CFAP54: variants seen among roughly 807,000 people sequenced by gnomAD.
The protein encoded by CFAP54 is cilia- and flagella-associated protein 54.
CFAP54 carries 290 observed loss-of-function variants against 370.4 expected under a neutral mutation model. That is an observed-to-expected ratio of 0.78 (90% confidence interval 0.71 to 0.86). CFAP54 has a LOEUF of 0.86. Among genes scored for constraint, CFAP54 ranks in the 40% least tolerant of loss-of-function variants. CFAP54 has a pLI of 0.00. For missense variants in CFAP54, 3,399 were observed against 3,528.7 expected, an observed-to-expected ratio of 0.96 and a Z score of 0.93; for synonymous variants, 1,206 against 1,236.5, an observed-to-expected ratio of 0.98 and a Z score of 0.52.
intron 26 of CFAP54, among the ~76,000 whole-genome samples, chr12:96,606,835 A>G (rs1230905914): frequency 6.6e-6 from 1 of 152,218 alleles, no homozygotes; most frequent in African/African-American, 2.4e-5. Context: ...AAAGACCAGC[A>G]TTGTGTGGTT....
intron 66 of CFAP54, among the ~76,000 whole-genome samples, chr12:96,855,078 G>A (rs1305773264): frequency 1.3e-5 from 2 of 152,156 alleles, no homozygotes; most frequent in Non-Finnish European, 2.9e-5. Flanking sequence ...GCAGCAAGGA[G>A]AAGTGTGCAG....
Position 96,497,502 on chromosome 12 carries a change from A to G in CFAP54, c.318-3332A>G, listed in dbSNP as rs76662210. 4.3e-3 allele frequency among the ~76,000 whole-genome samples: 662 copies of G among 152,308 alleles called. 6 individuals are homozygous for G. The highest frequency in any genetic ancestry group is 0.015 in the African/African-American group (639 of 41,570). The stretch of plus-strand genomic sequence containing the variant: ...CATAAATATAGCCAACTTGTTAGGG[A>G]AACAGGAGCATAGGAGAGCCAGAGT... On this transcript the variant is annotated intron_variant, in intron 1 of 67. Coordinates refer to ENST00000524981, the MANE Select transcript of CFAP54 (RefSeq NM_001306084.2).
intron 58 of CFAP54, among the ~76,000 whole-genome samples, 186 bp downstream of exon 58, chr12:96,757,774 C>T (rs1289001374): frequency 6.6e-6 from 1 of 152,006 alleles, no homozygotes; most frequent in Non-Finnish European, 1.5e-5. Flanking sequence ...TTATATAGGG[C>T]TTTGGAAATT....
At chr12:96,727,715 C>T (rs925624092) in intron 50 of CFAP54, among the ~76,000 whole-genome samples, 1 of 151,740 alleles carries the variant, frequency 6.6e-6, no homozygotes, top group Non-Finnish European at 1.5e-5. Flanking sequence ...TTGGTCCTGT[C>T]ATTATGATGT....
At chr12:96,583,692 A>G (rs1956051329) in intron 22 of CFAP54, among the ~76,000 whole-genome samples, 1 of 152,196 alleles carries the variant, frequency 6.6e-6, no homozygotes, top group African/African-American at 2.4e-5. Flanking sequence ...AGGTTAAGAA[A>G]TGTACCCAAG....
chr12:96,584,678 C>G (rs963422192), intron 22 of CFAP54, among the ~76,000 whole-genome samples: 1 of 151,192 alleles, frequency 6.6e-6, no homozygotes, highest in Non-Finnish European at 1.5e-5. Context: ...GACAGTAATA[C>G]TTGTTTAGAT....
intron 20 of CFAP54, among the ~76,000 whole-genome samples, chr12:96,579,571 T>A (rs934155869): frequency 6.6e-5 from 10 of 152,276 alleles, no homozygotes; most frequent in African/African-American, 2.4e-4. Flanking sequence ...GTATTTTTTT[T>A]AGAGGCAATT....
intron 50 of CFAP54, among the ~76,000 whole-genome samples, chr12:96,735,891 A>C (rs1957975115): frequency 6.6e-6 from 1 of 152,212 alleles, no homozygotes; most frequent in South Asian, 2.1e-4. Context: ...TATATATTTC[A>C]AATCAGTGTG....
At chr12:96,781,315 A>T (rs1944781079) in intron 60 of CFAP54, among the ~76,000 whole-genome samples, 1 of 152,182 alleles carries the variant, frequency 6.6e-6, no homozygotes, top group Admixed American at 6.5e-5. Flanking sequence ...TGGTCCAAAT[A>T]AGAAGCGAAT....
intron 14 of CFAP54, among the ~76,000 whole-genome samples, chr12:96,547,451 G>A (rs1955652215): frequency 6.6e-6 from 1 of 152,114 alleles, no homozygotes; most frequent in Non-Finnish European, 1.5e-5. Context: ...ATCCCAAAGT[G>A]CTGGGATTAC....
intron 58 of CFAP54, 25 bp from the exon 59 acceptor site, chr12:96,764,126 C>T: frequency 6.7e-7 from 1 of 1,503,492 alleles, no homozygotes; most frequent in Non-Finnish European, 9.2e-7. Context: ...AACTTTATAT[C>T]ATAACACATT....
At chr12:96,605,487 C>A (rs532038801) in intron 26 of CFAP54, among the ~76,000 whole-genome samples, 1 of 152,170 alleles carries the variant, frequency 6.6e-6, no homozygotes, top group Non-Finnish European at 1.5e-5. Context: ...TCAAAAAGGA[C>A]AAACTGGAGA....
In CFAP54 at chr12:96,743,828, C is replaced by A; in HGVS notation, c.7475C>A (p.Ala2492Asp). 1 of 1,613,954 alleles carries A rather than the reference C, an allele frequency of 6.2e-7. No individual in the cohort carries two copies. The highest frequency in any genetic ancestry group is 8.5e-7 in the Non-Finnish European group (1 of 1,179,900). Residue 2492 changes from alanine to aspartate, a missense_variant, in exon 54 of 68, where the codon GCT becomes GAT. Ala to Asp is a moderately radical substitution (Grantham distance 126). Around this residue, in one of 3 missense-constraint regions of CFAP54, gnomAD observed 2,796 missense variants for 2,869.7 expected, o/e 0.97. Transcript: ENST00000524981. ...GTTTTGCTGGATGACTTAACCAAAG[C>A]TGAGAAATTCAAGGAATCTCCCTCT... is the stretch of plus-strand genomic sequence containing the variant. ...SLVLLDDLTKAEKFKESPSSK... is the reference protein window; with the variant it reads ...SLVLLDDLTKDEKFKESPSSK...
chr12:96,642,645 G>A lies in CFAP54; in HGVS notation c.4317-1533G>A, dbSNP rs115292028. 5.4e-3 allele frequency among the ~76,000 whole-genome samples: 826 copies of A among 152,184 alleles called. 6 individuals are homozygous for A. Among genetic ancestry groups the A allele is most frequent in the African/African-American group, 0.019 (787 of 41,534 alleles). ...ATCCTGGTTCTGCTAATGTCAATAC[G>A]CTAGCTTATTTCCTTAAGCCAGAAT... On this transcript the variant is annotated intron_variant, in intron 32 of 67. Transcript: ENST00000524981.
intron 50 of CFAP54, among the ~76,000 whole-genome samples, chr12:96,725,526 T>C (rs200718960): frequency 0.1 from 15,731 of 152,114 alleles, 1,546 homozygotes; most frequent in East Asian, 0.54. Flanking sequence ...ACATTGATTT[T>C]GTATCCTGAG....
intron 40 of CFAP54, among the ~76,000 whole-genome samples, chr12:96,683,034 A>T (rs928151619): frequency 6.6e-6 from 1 of 152,144 alleles, no homozygotes; most frequent in African/African-American, 2.4e-5. Flanking sequence ...GATAGACCCA[A>T]TGTTCTCTTT....
intron 45 of CFAP54, among the ~76,000 whole-genome samples, chr12:96,694,726 A>G (rs1957422262): frequency 6.7e-6 from 1 of 149,184 alleles, no homozygotes; most frequent in Non-Finnish European, 1.5e-5. Context: ...ATTGGCTCTG[A>G]AAAAAAAAAC....
At chr12:96,707,313 T>A (rs546855608) in intron 47 of CFAP54, among the ~76,000 whole-genome samples, 2 of 152,322 alleles carry the variant, frequency 1.3e-5, no homozygotes, top group South Asian at 4.1e-4. Context: ...ATTTTACAGT[T>A]CATGGCATGT....
intron 66 of CFAP54, among the ~76,000 whole-genome samples, chr12:96,847,018 A>G (rs1218626569): frequency 1.3e-5 from 2 of 152,128 alleles, no homozygotes; most frequent in South Asian, 2.1e-4. Context: ...CCAGCTGCAA[A>G]TGGGGTTCCC....
Sources: gnomAD v4.1 joint callset for allele counts (sites outside exome capture counted in the v4.1 genomes callset) on GRCh38, gnomAD v4.1.1 for gene constraint, gnomAD v4.1.1 regional missense constraint, MANE v1.5 for transcripts, NCBI Gene and HGNC (gene_info 2026-07-23, HGNC 2026-07-21) for gene names.